Variants in COL24A1 observed in about 807,000 individuals in gnomAD.
The protein encoded by COL24A1 is collagen alpha-1(XXIV) chain.
Under a neutral mutation model 253.9 loss-of-function variants are expected in COL24A1, and 224 were observed. That is an observed-to-expected ratio of 0.88 (90% CI 0.79 to 0.99). COL24A1 has a LOEUF of 0.99. Ranked by LOEUF, COL24A1 falls within the 50% of genes least tolerant of loss-of-function variation. The pLI, the probability that COL24A1 is intolerant of heterozygous loss-of-function variation, is 0.00. For missense variants in COL24A1, 2,131 were observed against 2,068.5 expected (o/e 1.03, Z -0.59); for synonymous variants, 685 against 673.7 (o/e 1.02, Z -0.26).
At chr1:85,754,821 A>G (rs982595337) in intron 55 of COL24A1, among the ~76,000 whole-genome samples, 1 of 152,172 alleles carries the variant, frequency 6.6e-6, no homozygotes, top group African/African-American at 2.4e-5. Flanking sequence ...CAGAGACTTA[A>G]GAGATCTGTA....
rs761217240 is a variant in COL24A1, at chr1:85,761,440, A to G, written c.4411-18T>C. On this transcript the variant is annotated intron_variant, in intron 54 of 59. Coordinates refer to ENST00000370571, the MANE Select transcript of COL24A1 (RefSeq NM_152890.7). ...GGTGGACCCTAGAACACAGCAAATT[A>G]AAAAAAATACACATTTATTTAGTAG... 17 of 1,608,436 alleles carry G rather than the reference A, an allele frequency of 1.1e-5. No homozygotes were observed. In the East Asian group the frequency reaches 3.6e-4, roughly 34 times the overall value.
At chr1:85,933,160 T>G (rs1292730981) in intron 24 of COL24A1, among the ~76,000 whole-genome samples, 1 of 149,070 alleles carries the variant, frequency 6.7e-6, no homozygotes, top group Non-Finnish European at 1.5e-5. Context: ...AAAACTTGTA[T>G]AGTTTAGATG....
At chr1:85,908,724 G>A in intron 26 of COL24A1, 73 bp from the exon 27 acceptor site, 1 of 626,094 alleles carries the variant, frequency 1.6e-6, no homozygotes, top group Non-Finnish European at 2.6e-6. Context: ...AGACAAGCCA[G>A]TAAATTATAA....
rs547920467 is a variant in COL24A1 at position 85,740,665 on chromosome 1, C to G, written c.4673-3160G>C. On this transcript the variant is annotated intron_variant, in intron 57 of 59. Transcript: ENST00000370571. ...TAGAGATGAAGTTTCACCACGTTGG[C>G]CTGGCTGTTCTCAAACTGATCCGAA... is the stretch of plus-strand genomic sequence containing the variant. Among the ~76,000 whole-genome samples, 18 of 151,988 alleles carry G rather than the reference C, an allele frequency of 1.2e-4. No individual in the cohort carries two copies. The South Asian group carries it at 1.7e-3, about 14-fold the overall frequency.
chr1:85,799,631 T>C (rs969924079), intron 47 of COL24A1, among the ~76,000 whole-genome samples: 7 of 152,224 alleles, frequency 4.6e-5, no homozygotes, highest in Admixed American at 1.3e-4. Flanking sequence ...TAATTCCATA[T>C]CAAATATTCC....
At chr1:86,003,933 G>A (rs1695685581) in intron 19 of COL24A1, among the ~76,000 whole-genome samples, 1 of 152,118 alleles carries the variant, frequency 6.6e-6, no homozygotes, top group Admixed American at 6.6e-5. Flanking sequence ...TAGACAAAAT[G>A]ACTTGGCCAG....
At chr1:86,108,530 C>G (rs1263424890) in intron 5 of COL24A1, among the ~76,000 whole-genome samples, 1 of 147,766 alleles carries the variant, frequency 6.8e-6, no homozygotes, top group Admixed American at 6.9e-5. Context: ...CGCCTGTACT[C>G]CCAGCACTTT....
chr1:85,987,345 G>GT (rs931242304), intron 20 of COL24A1, among the ~76,000 whole-genome samples: 38 of 151,746 alleles, frequency 2.5e-4, no homozygotes, highest in Admixed American at 5.3e-4. Flanking sequence ...ACTTTTTAGA[G>GT]TTTTTTCTCC....
chr1:85,814,276 T>C (rs576964481), intron 47 of COL24A1, among the ~76,000 whole-genome samples: 1 of 152,326 alleles, frequency 6.6e-6, no homozygotes, highest in South Asian at 2.1e-4. Context: ...GTGTTTCGAT[T>C]TCAGGCATGA....
At chr1:86,135,586 A>T (rs1048840255) in intron 2 of COL24A1, among the ~76,000 whole-genome samples, 2 of 151,990 alleles carry the variant, frequency 1.3e-5, no homozygotes, top group Non-Finnish European at 2.9e-5. Context: ...CCTACAAAGT[A>T]TAACTTCCCT....
intron 55 of COL24A1, among the ~76,000 whole-genome samples, chr1:85,757,571 A>AT (rs10708880): frequency 2.5e-3 from 385 of 151,852 alleles, no homozygotes; most frequent in African/African-American, 7.0e-3. Flanking sequence ...ATAAAAAGGC[A>AT]TTTTTTTTCC....
In COL24A1 at chr1:86,092,262, A is replaced by G. The variant is rs1449565285; in HGVS notation, c.1653+5T>C. On this transcript the variant is annotated splice_donor_5th_base_variant and intron_variant, in intron 6 of 59. Coordinates refer to ENST00000370571, the MANE Select transcript of COL24A1 (RefSeq NM_152890.7). ...CATAATTTCATTTCATGGTCAAATA[A>G]TTACCTTTTCTCCAGGAACAGGTTG... The G allele has an allele frequency of 1.9e-6, 3 of 1,588,990 alleles. No homozygotes were observed. The highest frequency in any genetic ancestry group is 1.1e-5 in the South Asian group (1 of 88,998).
chr1:85,813,631 A>G (rs374939983), intron 47 of COL24A1, among the ~76,000 whole-genome samples: 4 of 133,486 alleles, frequency 3.0e-5, no homozygotes, highest in African/African-American at 1.2e-4. Context: ...GCTCACTGCA[A>G]GCTCCGCCTC....
At chr1:86,084,441 C>T (rs1264476799) in intron 7 of COL24A1, among the ~76,000 whole-genome samples, 1 of 152,210 alleles carries the variant, frequency 6.6e-6, no homozygotes, top group African/African-American at 2.4e-5. Context: ...ATACAACAGA[C>T]TCATGCCAAT....
At chr1:85,883,222 T>C (rs921023333) in intron 32 of COL24A1, among the ~76,000 whole-genome samples, 2 of 152,146 alleles carry the variant, frequency 1.3e-5, no homozygotes, top group Non-Finnish European at 2.9e-5. Context: ...TTAATTTTTA[T>C]GTCTATTTCT....
chr1:85,971,285 G>A, intron 21 of COL24A1, 55 bp downstream of exon 21: 3 of 1,489,570 alleles, frequency 2.0e-6, no homozygotes, highest in South Asian at 2.4e-5. Context: ...AATAAAAAGG[G>A]AAAATTTTAA....
chr1:86,108,649 AAT>A lies in COL24A1; in HGVS notation c.1599+3916_1599+3917del, dbSNP rs1362078714. Among the ~76,000 whole-genome samples, 119 of 124,536 alleles carry A rather than the reference AAT, an allele frequency of 9.6e-4. 1 individual carries two copies. The highest frequency in any genetic ancestry group is 2.9e-3 in the African/African-American group (93 of 32,342). The allele number at this position is 124,536 out of a possible 152,430, so 81.7% of individuals were successfully genotyped here. On this transcript the variant is annotated intron_variant, in intron 5 of 59. Coordinates refer to ENST00000370571, the MANE Select transcript of COL24A1 (RefSeq NM_152890.7). Reference sequence around the variant, plus strand: ...AAAAAAAAAAAAAAAAAAAAAAAAAAATTTTAAATTAGCCAGGCATGGTGGCA... The same window carrying A: ...AAAAAAAAAAAAAAAAAAAAAAAAAATTTAAATTAGCCAGGCATGGTGGCA...
intron 46 of COL24A1, among the ~76,000 whole-genome samples, chr1:85,817,795 C>G (rs946796724): frequency 1.3e-5 from 2 of 152,090 alleles, no homozygotes; most frequent in Admixed American, 1.3e-4. Context: ...ACCGGGAGGG[C>G]TTCATAACCA....
chr1:85,766,368 C>CAAAAAAAAAAAAAAAAAA (rs1319642983), intron 53 of COL24A1, among the ~76,000 whole-genome samples: 1 of 66,286 alleles, frequency 1.5e-5, no homozygotes, highest in African/African-American at 6.3e-5. Context: ...GACTCTGTCT[C>CAAAAAAAAAAAAAAAAAA]AAAAAAAAAA....
Sources: gnomAD v4.1 joint callset for allele counts (sites outside exome capture counted in the v4.1 genomes callset) on GRCh38, gnomAD v4.1.1 for gene constraint, MANE v1.5 for transcripts, NCBI Gene and HGNC (gene_info 2026-07-23, HGNC 2026-07-21) for gene names.